Variants in MAPK10 observed in about 807,000 individuals in gnomAD.
MAPK10 encodes the protein mitogen-activated protein kinase 10, also known as JNK3 alpha protein kinase.
Under a neutral mutation model 59.3 loss-of-function variants are expected in MAPK10, and 25 were observed. The observed-to-expected ratio is 0.42, with a 90% CI of 0.31 to 0.59. The LOEUF (loss-of-function observed/expected upper bound fraction) is 0.59. MAPK10 is among the 20% of genes least tolerant of loss of function. The pLI is 0.15. For missense variants in MAPK10, 351 were observed against 568.9 expected (o/e 0.62, Z 3.90); for synonymous variants, 190 against 200.5 (o/e 0.95, Z 0.44).
chr4:86,330,761 A>G (rs1328562999), intron 2 of MAPK10, among the ~76,000 whole-genome samples: 1 of 152,160 alleles, frequency 6.6e-6, no homozygotes, highest in East Asian at 1.9e-4. Flanking sequence ...TCTTTATAGG[A>G]CCGTGAGAAC....
chr4:86,295,403 C>T (rs956076495), intron 2 of MAPK10, among the ~76,000 whole-genome samples: 4 of 151,984 alleles, frequency 2.6e-5, no homozygotes, highest in African/African-American at 7.2e-5. Context: ...TATTTTCCTG[C>T]GTAGAATTTT....
intron 1 of MAPK10, among the ~76,000 whole-genome samples, chr4:86,581,350 T>G (rs56348925): frequency 0.28 from 42,796 of 151,710 alleles, 6,469 homozygotes; most frequent in Admixed American, 0.34. Context: ...ATAATAAAAG[T>G]AAATTCAATA....
In MAPK10 at chr4:86,136,190, C is replaced by A. The variant is rs555104982; in HGVS notation, c.236+23108G>T. On this transcript the variant is annotated intron_variant, in intron 4 of 13. Transcript: ENST00000641462. ...CATTCAGGAAACACAGAGAATGCCA[C>A]AAAGATACTCCTCGAGAAGAGCAAC... 2.9e-3 allele frequency among the ~76,000 whole-genome samples: 447 copies of A among 152,156 alleles called. 4 individuals are homozygous for A. Among genetic ancestry groups the A allele is most frequent in the African/African-American group, 0.011 (438 of 41,494 alleles).
At chr4:86,440,166 T>G (rs1047486684) in intron 1 of MAPK10, among the ~76,000 whole-genome samples, 2 of 152,168 alleles carry the variant, frequency 1.3e-5, no homozygotes, top group African/African-American at 4.8e-5. Flanking sequence ...TAGCTGAATA[T>G]TTGCCCTGGC....
intron 2 of MAPK10, among the ~76,000 whole-genome samples, chr4:86,348,956 A>C (rs1243323587): frequency 2.6e-5 from 4 of 152,134 alleles, no homozygotes; most frequent in Non-Finnish European, 4.4e-5. Flanking sequence ...TCCTCAACAA[A>C]ATCTTCAGGA....
At chr4:86,533,496 C>T (rs1757994035) in intron 1 of MAPK10, among the ~76,000 whole-genome samples, 1 of 149,958 alleles carries the variant, frequency 6.7e-6, no homozygotes, top group South Asian at 2.1e-4. Flanking sequence ...AGTAGAAAAC[C>T]AAAATGGAGA....
At chr4:86,468,853 C>CA (rs1175489978) in intron 1 of MAPK10, among the ~76,000 whole-genome samples, 16 of 146,130 alleles carry the variant, frequency 1.1e-4, no homozygotes, top group Admixed American at 2.7e-4. Context: ...GACTCCATCT[C>CA]AAAAAAAAAG....
chr4:86,140,938 A>C (rs2063515340), intron 4 of MAPK10, among the ~76,000 whole-genome samples: 1 of 152,312 alleles, frequency 6.6e-6, no homozygotes, highest in Non-Finnish European at 1.5e-5. Flanking sequence ...TTCAAAAAGG[A>C]AGGAAACATA....
rs1450237351 is a variant in MAPK10, at chr4:86,011,281, T to G, written c.*5947A>C. 6.6e-6 allele frequency: 1 copy of G among 152,220 alleles called. No homozygotes were observed. Among genetic ancestry groups the G allele is most frequent in the African/African-American group, 2.4e-5 (1 of 41,462 alleles). The allele number at this position is 152,220 out of a possible 1,614,324, so 9.4% of individuals were successfully genotyped here. A position where few individuals can be genotyped will look rare whatever the true frequency, so the allele number is the denominator to read the frequency against. ...TAAAGTGATCTGTGATGGCAGGACT[T>G]TCAGCGTGTTTCACTATTAGCATGT... is the stretch of plus-strand genomic sequence containing the variant. On this transcript the variant is annotated 3_prime_UTR_variant, in exon 14 of 14. Coordinates refer to ENST00000641462, the MANE Select transcript of MAPK10 (RefSeq NM_138982.4).
intron 13 of MAPK10, chr4:86,026,770 A>C (rs985015239): frequency 2.0e-5 from 3 of 152,228 alleles, no homozygotes; most frequent in African/African-American, 4.8e-5. Flanking sequence ...ATAATGAACA[A>C]TGCAAAAAAG....
At chr4:86,377,856 C>A (rs1740063147) in intron 1 of MAPK10, among the ~76,000 whole-genome samples, 2 of 152,098 alleles carry the variant, frequency 1.3e-5, no homozygotes, top group Admixed American at 6.6e-5. Context: ...CAGGAAGCAT[C>A]CAGCACAAGA....
intron 2 of MAPK10, among the ~76,000 whole-genome samples, chr4:86,296,862 A>G (rs2095372942): frequency 6.6e-6 from 1 of 152,238 alleles, no homozygotes; most frequent in Non-Finnish European, 1.5e-5. Flanking sequence ...CAATTTTTGT[A>G]AATTCTATTC....
intron 2 of MAPK10, chr4:86,327,247 T>C (rs2096047129): frequency 6.6e-6 from 1 of 152,014 alleles, no homozygotes; most frequent in African/African-American, 2.4e-5. Context: ...AGTGCCGGGA[T>C]TATAGGCATG....
At chr4:86,256,014 G>A (rs533816019) in intron 2 of MAPK10, among the ~76,000 whole-genome samples, 1 of 152,286 alleles carries the variant, frequency 6.6e-6, no homozygotes, top group East Asian at 1.9e-4. Flanking sequence ...AAAGGAAGGC[G>A]AGCAGGTGTC....
intron 9 of MAPK10, among the ~76,000 whole-genome samples, chr4:86,071,272 A>G (rs1400714253): frequency 6.7e-6 from 1 of 150,018 alleles, no homozygotes; most frequent in East Asian, 2.0e-4. Context: ...GTTTGAGTTC[A>G]TTGTAGATTC....
At chr4:86,048,098 G>C (rs2042842245) in intron 11 of MAPK10, among the ~76,000 whole-genome samples, 1 of 151,916 alleles carries the variant, frequency 6.6e-6, no homozygotes, top group Admixed American at 6.6e-5. Flanking sequence ...TATCAGAAAG[G>C]GTTTTATAAA....
intron 9 of MAPK10, among the ~76,000 whole-genome samples, chr4:86,082,528 C>T (rs143585987): frequency 5.9e-5 from 9 of 152,012 alleles, no homozygotes; most frequent in African/African-American, 1.4e-4. Context: ...GTCAGGGTGG[C>T]GGGAAAAGTT....
chr4:86,275,576 A>C (rs1043212853), intron 2 of MAPK10, among the ~76,000 whole-genome samples: 1 of 152,028 alleles, frequency 6.6e-6, no homozygotes, highest in African/African-American at 2.4e-5. Context: ...AAGATCCTAA[A>C]GTCAAATATG....
At chr4:86,485,925 C>T (rs1011466883) in intron 1 of MAPK10, among the ~76,000 whole-genome samples, 1 of 152,196 alleles carries the variant, frequency 6.6e-6, no homozygotes, top group African/African-American at 2.4e-5. Context: ...CCTCCTGGCA[C>T]CTTTATTGTG....
Sources: gnomAD v4.1 joint callset for allele counts (sites outside exome capture counted in the v4.1 genomes callset) on GRCh38, gnomAD v4.1.1 for gene constraint, MANE v1.5 for transcripts, NCBI Gene and HGNC (gene_info 2026-07-23, HGNC 2026-07-21) for gene names.